Variants in DYM observed in about 807,000 individuals in gnomAD.
DYM encodes the protein dymeclin, also known as dyggve-Melchior-Clausen syndrome protein.
A neutral mutation model predicts 93.1 loss-of-function variants in DYM; 78 were observed. The observed-to-expected ratio is 0.84, with a 90% CI of 0.70 to 1.01. DYM has a LOEUF of 1.01. Among genes scored for constraint, DYM ranks in the 50% least tolerant of loss-of-function variants. The pLI is 0.00. For missense variants in DYM, 789 were observed against 845.0 expected (o/e 0.93, Z 0.82); for synonymous variants, 321 against 319.7 (o/e 1.00, Z -0.04).
chr18:49,457,419 C>T (rs1428445355), intron 1 of DYM, among the ~76,000 whole-genome samples: 1 of 152,150 alleles, frequency 6.6e-6, no homozygotes, highest in Non-Finnish European at 1.5e-5. Context: ...TTACATGGAG[C>T]TGTATTGCTT....
intron 17 of DYM, among the ~76,000 whole-genome samples, chr18:49,087,114 C>T (rs969228312): frequency 1.3e-5 from 2 of 152,142 alleles, no homozygotes; most frequent in Non-Finnish European, 2.9e-5. Context: ...AGTCCCTTAC[C>T]AGACACTAAA....
chr18:49,451,540 C>G (rs1181717550), intron 1 of DYM, among the ~76,000 whole-genome samples: 1 of 152,218 alleles, frequency 6.6e-6, no homozygotes, highest in Admixed American at 6.5e-5. Context: ...AAAAGGATCA[C>G]CCAACTCACA....
At chr18:49,129,409 AT>A (rs2083168035) in intron 15 of DYM, among the ~76,000 whole-genome samples, 1 of 152,336 alleles carries the variant, frequency 6.6e-6, no homozygotes, top group South Asian at 2.1e-4. Context: ...TCATCAGAAT[AT>A]GATTTCACAA....
intron 14 of DYM, among the ~76,000 whole-genome samples, chr18:49,182,666 G>T (rs10163832): frequency 0.069 from 10,464 of 151,912 alleles, 1,220 homozygotes; most frequent in African/African-American, 0.24. Context: ...TTGTCCTATT[G>T]ATTCTTTTTT....
At chr18:49,073,823 GAC>G (rs1332181073) in intron 17 of DYM, among the ~76,000 whole-genome samples, 3 of 152,044 alleles carry the variant, frequency 2.0e-5, no homozygotes, top group African/African-American at 7.3e-5. Flanking sequence ...GGAACCACAA[GAC>G]ACATTCTTTT....
At chr18:49,338,781 G>A (rs1192078488) in intron 6 of DYM, among the ~76,000 whole-genome samples, 2 of 152,166 alleles carry the variant, frequency 1.3e-5, no homozygotes, top group African/African-American at 4.8e-5. Context: ...ACTTAGATGT[G>A]AATAAAACTA....
intron 6 of DYM, among the ~76,000 whole-genome samples, chr18:49,339,229 CACACAG>C (rs1448232495): frequency 6.6e-6 from 1 of 152,170 alleles, no homozygotes; most frequent in Non-Finnish European, 1.5e-5. Context: ...TTCACACAGA[CACACAG>C]ACACACACGC....
intron 15 of DYM, among the ~76,000 whole-genome samples, chr18:49,148,269 C>A (rs2085388977): frequency 6.6e-6 from 1 of 151,486 alleles, no homozygotes; most frequent in Admixed American, 6.6e-5. Flanking sequence ...GTGCAGCACA[C>A]CAACATGGCA....
chr18:49,082,208 T>C (rs1307134287), intron 17 of DYM, among the ~76,000 whole-genome samples: 1 of 152,260 alleles, frequency 6.6e-6, no homozygotes, highest in Non-Finnish European at 1.5e-5. Context: ...CTACATGGAC[T>C]GTACTTGGTC....
chr18:49,305,693 C>G lies in DYM; in HGVS notation c.764-19077G>C, dbSNP rs182770459. On this transcript the variant is annotated intron_variant, in intron 8 of 17. Coordinates refer to ENST00000675505, the MANE Select transcript of DYM (RefSeq NM_001353214.3). ...TGGAAATAAGCTGAATTATTCCTAT[C>G]ACAGTGTACAAATATGTAAAAATTT... Among the ~76,000 whole-genome samples the G allele has an allele frequency of 8.5e-5, 13 of 152,284 alleles. No homozygotes were observed. The East Asian group carries it at 1.5e-3, about 18-fold the overall frequency.
At chr18:49,216,987 A>T (rs2093089498) in intron 13 of DYM, among the ~76,000 whole-genome samples, 1 of 152,222 alleles carries the variant, frequency 6.6e-6, no homozygotes, top group Admixed American at 6.5e-5. Context: ...ACCGAAGGCA[A>T]AGAAGTTAAA....
intron 13 of DYM, among the ~76,000 whole-genome samples, chr18:49,254,281 C>CATATATATATATATAT (rs3084549): frequency 1.5e-4 from 20 of 136,562 alleles, no homozygotes; most frequent in Middle Eastern, 3.5e-3. Context: ...ATCCTTGTAT[C>CATATATATATATATAT]ATATATATAT....
chr18:49,242,028 G>C (rs142164116), intron 13 of DYM, among the ~76,000 whole-genome samples: 1,994 of 152,292 alleles, frequency 0.013, 26 homozygotes, highest in Non-Finnish European at 0.019. Context: ...TTTCTGCAAA[G>C]ATGAGTCAGA....
intron 13 of DYM, among the ~76,000 whole-genome samples, chr18:49,229,677 A>AT (rs1173692994): frequency 6.6e-6 from 1 of 152,154 alleles, no homozygotes; most frequent in Non-Finnish European, 1.5e-5. Flanking sequence ...AGAATGCAAA[A>AT]TGGTATGGCC....
chr18:49,243,162 T>C (rs984765358), intron 13 of DYM, among the ~76,000 whole-genome samples: 12 of 152,152 alleles, frequency 7.9e-5, no homozygotes, highest in South Asian at 4.1e-4. Flanking sequence ...GACACTCAGG[T>C]GAGCGGGCTG....
intron 8 of DYM, among the ~76,000 whole-genome samples, chr18:49,298,780 A>G (rs1398742351): frequency 1.3e-5 from 2 of 152,210 alleles, no homozygotes; most frequent in Non-Finnish European, 2.9e-5. Context: ...AAAATGAACA[A>G]CCATGAAAGG....
chr18:49,394,104 T>C (rs918142193), intron 2 of DYM, among the ~76,000 whole-genome samples: 5 of 152,240 alleles, frequency 3.3e-5, no homozygotes, highest in Non-Finnish European at 5.9e-5. Flanking sequence ...GCCACAGAAC[T>C]ATATACTTTA....
intron 8 of DYM, among the ~76,000 whole-genome samples, chr18:49,301,185 T>C (rs2146179978): frequency 1.3e-5 from 2 of 152,278 alleles, no homozygotes; most frequent in East Asian, 3.9e-4. Flanking sequence ...CATGTATGCA[T>C]GTTAAATAAA....
intron 14 of DYM, among the ~76,000 whole-genome samples, chr18:49,198,051 G>A (rs1238270632): frequency 6.6e-6 from 1 of 152,150 alleles, no homozygotes; most frequent in African/African-American, 2.4e-5. Flanking sequence ...CAATGGAACA[G>A]AACAGAGCCC....
Sources: gnomAD v4.1 joint callset for allele counts (sites outside exome capture counted in the v4.1 genomes callset) on GRCh38, gnomAD v4.1.1 for gene constraint, MANE v1.5 for transcripts, NCBI Gene and HGNC (gene_info 2026-07-23, HGNC 2026-07-21) for gene names.